GPC6: variants seen among roughly 807,000 people sequenced by gnomAD.
GPC6 encodes glypican-6.
GPC6 carries 14 observed loss-of-function variants against 55.2 expected under a neutral mutation model. The ratio of observed to expected loss-of-function variants is 0.25; its 90% CI spans 0.17 to 0.40. GPC6 has a LOEUF of 0.40. Ranked by LOEUF, GPC6 falls within the 10% of genes least tolerant of loss-of-function variation. The probability of loss-of-function intolerance (pLI) is 1.00; values close to 1 mark genes in which losing one functional copy is unlikely to be tolerated. For synonymous variants in GPC6, 278 were observed against 259.6 expected, an observed-to-expected ratio of 1.07 and a Z score of -0.68; for missense variants, 641 against 708.5, an observed-to-expected ratio of 0.90 and a Z score of 1.08.
intron 2 of GPC6, among the ~76,000 whole-genome samples, chr13:93,636,618 C>T (rs1178829604): frequency 1.3e-5 from 2 of 152,166 alleles, no homozygotes; most frequent in African/African-American, 4.8e-5. Flanking sequence ...TTTCCCAGCT[C>T]TCTTGTTCTT....
At chr13:93,622,199 A>T (rs1029089171) in intron 2 of GPC6, among the ~76,000 whole-genome samples, 3 of 152,206 alleles carry the variant, frequency 2.0e-5, no homozygotes, top group African/African-American at 7.2e-5. Context: ...ATGCTCAAAA[A>T]TATGTAAAAT....
chr13:93,824,206 TA>T (rs1273913873), intron 2 of GPC6, among the ~76,000 whole-genome samples: 1 of 152,176 alleles, frequency 6.6e-6, no homozygotes, highest in Non-Finnish European at 1.5e-5. Context: ...AATTGCTTTT[TA>T]AAAAAACTGT....
At chr13:94,329,275 C>T (rs570266466) in intron 6 of GPC6, among the ~76,000 whole-genome samples, 1 of 152,176 alleles carries the variant, frequency 6.6e-6, no homozygotes, top group East Asian at 1.9e-4. Context: ...TGGCAAAACG[C>T]TGGGTTCTCC....
intron 2 of GPC6, among the ~76,000 whole-genome samples, chr13:93,753,681 C>T (rs551907532): frequency 1.3e-5 from 2 of 152,244 alleles, no homozygotes; most frequent in Admixed American, 1.3e-4. Flanking sequence ...TCTTATTCAT[C>T]TTCCTATGTT....
intron 1 of GPC6, among the ~76,000 whole-genome samples, chr13:93,465,254 C>A (rs992245602): frequency 6.6e-6 from 1 of 152,190 alleles, no homozygotes; most frequent in Non-Finnish European, 1.5e-5. Context: ...AAAAGAGAGT[C>A]AACTTGTCCT....
chr13:94,045,874 A>C (rs1457845932), intron 4 of GPC6, among the ~76,000 whole-genome samples: 4 of 152,032 alleles, frequency 2.6e-5, no homozygotes, highest in Non-Finnish European at 5.9e-5. Context: ...TTAGTTAATG[A>C]TATTCTTAAC....
At chr13:93,360,428 A>G (rs1326934322) in intron 1 of GPC6, among the ~76,000 whole-genome samples, 1 of 152,176 alleles carries the variant, frequency 6.6e-6, no homozygotes, top group African/African-American at 2.4e-5. Flanking sequence ...ATGTCACAAA[A>G]AGCAGGCACA....
chr13:93,843,896 T>G (rs1888058439), intron 3 of GPC6, among the ~76,000 whole-genome samples: 1 of 152,178 alleles, frequency 6.6e-6, no homozygotes, highest in Non-Finnish European at 1.5e-5. Flanking sequence ...TACCTATTTT[T>G]TAACCAAAAG....
intron 2 of GPC6, among the ~76,000 whole-genome samples, chr13:93,582,434 T>G (rs1315495786): frequency 6.6e-6 from 1 of 152,158 alleles, no homozygotes; most frequent in Non-Finnish European, 1.5e-5. Flanking sequence ...TCTTCAAAAT[T>G]TTGTTAAGCA....
intron 4 of GPC6, among the ~76,000 whole-genome samples, chr13:94,165,658 A>T (rs545390197): frequency 8.1e-4 from 124 of 152,302 alleles, no homozygotes; most frequent in African/African-American, 2.1e-3. Context: ...AATTTTTTTT[A>T]AATTATATCC....
At chr13:93,555,604 T>G (rs1238746982) in intron 2 of GPC6, among the ~76,000 whole-genome samples, 2 of 152,204 alleles carry the variant, frequency 1.3e-5, no homozygotes, top group Admixed American at 1.3e-4. Context: ...GGAACTAATT[T>G]TAAATTCCCC....
At chr13:94,321,478 T>C (rs1468142706) in intron 6 of GPC6, among the ~76,000 whole-genome samples, 3 of 152,228 alleles carry the variant, frequency 2.0e-5, no homozygotes, top group Non-Finnish European at 4.4e-5. Flanking sequence ...TTGAATTCTT[T>C]GAGAAATTGC....
chr13:93,839,448 A>C (rs899823508), intron 3 of GPC6, among the ~76,000 whole-genome samples: 18 of 152,132 alleles, frequency 1.2e-4, no homozygotes, highest in Admixed American at 3.3e-4. Flanking sequence ...ACTCAATAGG[A>C]TCAGGTATCA....
chr13:94,349,798 A>G (rs938595229), intron 6 of GPC6, among the ~76,000 whole-genome samples: 4 of 152,000 alleles, frequency 2.6e-5, no homozygotes, highest in Non-Finnish European at 5.9e-5. Flanking sequence ...TTCCTTTGTA[A>G]CTGTGTCACA....
chr13:93,246,718 A>G (rs73635728), intron 1 of GPC6, among the ~76,000 whole-genome samples: 4,179 of 141,736 alleles, frequency 0.029, 198 homozygotes, highest in African/African-American at 0.1. Context: ...GGTGAACCCC[A>G]GAGGCGGAGC....
At chr13:94,331,501 G>A (rs571438893) in intron 6 of GPC6, among the ~76,000 whole-genome samples, 4 of 152,206 alleles carry the variant, frequency 2.6e-5, no homozygotes, top group East Asian at 1.9e-4. Context: ...TTAAGCAGCT[G>A]TGTGGTTACA....
intron 1 of GPC6, among the ~76,000 whole-genome samples, chr13:93,440,314 G>C (rs1242531847): frequency 6.6e-6 from 1 of 152,232 alleles, no homozygotes; most frequent in Non-Finnish European, 1.5e-5. Flanking sequence ...CTGAGTTTCT[G>C]CCACTTGGTC....
chr13:93,845,965 C>T (rs1371110535), intron 3 of GPC6, among the ~76,000 whole-genome samples: 1 of 151,104 alleles, frequency 6.6e-6, no homozygotes, highest in Non-Finnish European at 1.5e-5. Context: ...CACATGTACC[C>T]TAAAACTTAA....
At chr13:93,897,085 T>TA (rs1459297622) in intron 3 of GPC6, among the ~76,000 whole-genome samples, 13 of 151,584 alleles carry the variant, frequency 8.6e-5, no homozygotes, top group African/African-American at 2.7e-4. Flanking sequence ...TTTTTTATTT[T>TA]AAAAAAAGCA....
Sources: gnomAD v4.1 joint callset for allele counts (sites outside exome capture counted in the v4.1 genomes callset) on GRCh38, gnomAD v4.1.1 for gene constraint, MANE v1.5 for transcripts, NCBI Gene and HGNC (gene_info 2026-07-23, HGNC 2026-07-21) for gene names.